The following PCDHA2 variants were observed in gnomAD, a reference collection of about 807,000 sequenced individuals.
PCDHA2 encodes protocadherin alpha 2.
A neutral mutation model predicts 66.0 loss-of-function variants in PCDHA2; 58 were observed. The observed-to-expected ratio is 0.88, with a 90% CI of 0.71 to 1.09. The LOEUF is 1.09. Among genes scored for constraint, PCDHA2 ranks in the 50% least tolerant of loss-of-function variants. The probability of loss-of-function intolerance (pLI) is 0.00; values close to 1 mark genes in which losing one functional copy is unlikely to be tolerated. For missense variants in PCDHA2, 1,267 were observed against 1,242.3 expected, an observed-to-expected ratio of 1.02 and a Z score of -0.30; for synonymous variants, 634 against 554.0, an observed-to-expected ratio of 1.14 and a Z score of -2.03.
At chr5:140,806,720 C>G (rs1554123668) in intron 1 of PCDHA2, among the ~76,000 whole-genome samples, 2 of 152,176 alleles carry the variant, frequency 1.3e-5, no homozygotes, top group Non-Finnish European at 2.9e-5. Flanking sequence ...TTCTAATCAA[C>G]AGTTTACAGT....
intron 1 of PCDHA2, among the ~76,000 whole-genome samples, chr5:140,837,580 TTGTAAATCGCCAA>T (rs1410482182): frequency 1.4e-4 from 22 of 151,942 alleles, no homozygotes; most frequent in Admixed American, 1.1e-3. Context: ...AATCACCAAA[TTGTAAATCGCCAA>T]TATATATATT....
chr5:140,928,251 C>T (rs267600404), intron 1 of PCDHA2: 5 of 1,614,204 alleles, frequency 3.1e-6, no homozygotes, highest in Non-Finnish European at 3.4e-6. Flanking sequence ...AGGAACTTTT[C>T]GTTGCTGAAA....
intron 1 of PCDHA2, chr5:140,830,035 G>T (rs2150180061): frequency 1.2e-6 from 2 of 1,613,880 alleles, no homozygotes; most frequent in South Asian, 2.2e-5. Flanking sequence ...ACCGGCTGCT[G>T]GTGCTGGTGA....
intron 1 of PCDHA2, chr5:140,813,216 AT>A (rs1181674747): frequency 1.3e-5 from 2 of 152,104 alleles, no homozygotes; most frequent in Non-Finnish European, 2.9e-5. Context: ...TGAATGTTCT[AT>A]TCCTTATTGA....
At chr5:140,854,950 C>A (rs1427267019) in intron 1 of PCDHA2, among the ~76,000 whole-genome samples, 1 of 149,714 alleles carries the variant, frequency 6.7e-6, no homozygotes, top group African/African-American at 2.4e-5. Context: ...TAATAAATTT[C>A]TTAATTACTT....
intron 1 of PCDHA2, chr5:140,827,874 A>C: frequency 1.6e-6 from 1 of 638,432 alleles, no homozygotes; most frequent in South Asian, 2.0e-5. Flanking sequence ...TAGCACTGTT[A>C]CGTGAATTGA....
At chr5:140,805,437 T>TTG (rs781705195) in intron 1 of PCDHA2, 10 of 1,050,880 alleles carry the variant, frequency 9.5e-6, no homozygotes, top group African/African-American at 1.7e-5. Context: ...GTTTTGGTTT[T>TTG]TGTGTGTGTG....
chr5:140,925,282 T>C (rs1371569064), intron 1 of PCDHA2, among the ~76,000 whole-genome samples: 1 of 152,184 alleles, frequency 6.6e-6, no homozygotes, highest in Admixed American at 6.5e-5. Context: ...GATTTTGCCT[T>C]TCAAATGTTT....
chr5:140,857,554 G>T lies in PCDHA2; in HGVS notation c.2388+60202G>T, dbSNP rs782355772. On this transcript the variant is annotated intron_variant, in intron 1 of 3. Coordinates refer to ENST00000526136, the MANE Select transcript of PCDHA2 (RefSeq NM_018905.3). ...TGGAGCGGCGGTTGGGCGAGCGCTC[G>T]CTGTCGAGCTACGTGTCGGTGCACG... 1.1e-5 allele frequency: 18 copies of T among 1,596,768 alleles called. 1 individual carries two copies. Among genetic ancestry groups the T allele is most frequent in the East Asian group, 6.7e-5 (3 of 44,826 alleles).
At chr5:140,843,783 T>C in intron 1 of PCDHA2, 1 of 1,421,268 alleles carries the variant, frequency 7.0e-7, no homozygotes, top group Admixed American at 2.1e-5. Context: ...TAAAAGTGTT[T>C]CAGATTTAGT....
chr5:140,988,862 T>G (rs1554250483), intron 3 of PCDHA2: 2 of 152,218 alleles, frequency 1.3e-5, no homozygotes, highest in Non-Finnish European at 1.5e-5. Flanking sequence ...CAGTCTCATG[T>G]GCACTCAGAT....
At chr5:140,876,861 C>T (rs2056651575) in intron 1 of PCDHA2, 6 of 1,613,970 alleles carry the variant, frequency 3.7e-6, no homozygotes, top group African/African-American at 1.3e-5. Context: ...ACACAGTGTT[C>T]GTGAAGGAGA....
intron 3 of PCDHA2, among the ~76,000 whole-genome samples, chr5:140,999,859 C>T (rs2153959609): frequency 6.6e-6 from 1 of 152,256 alleles, no homozygotes; most frequent in South Asian, 2.1e-4. Context: ...TCTTCCGCTC[C>T]AAGATTACTG....
intron 1 of PCDHA2, chr5:140,881,486 T>G: frequency 2.8e-6 from 1 of 355,652 alleles, no homozygotes; most frequent in African/African-American, 2.2e-5. Flanking sequence ...ATTATTGTGT[T>G]TATGCACATA....
In PCDHA2 at chr5:140,797,511, C is replaced by G; in HGVS notation, c.2388+159C>G. 3 of 868,612 alleles carry G rather than the reference C, an allele frequency of 3.5e-6. No homozygotes were observed. The South Asian group carries it at 5.3e-5, about 15-fold the overall frequency. The allele number at this position is 868,612 out of a possible 1,614,324, so 53.8% of individuals were successfully genotyped here. A position where few individuals can be genotyped will look rare whatever the true frequency, so the allele number is the denominator to read the frequency against. On this transcript the variant is annotated intron_variant, in intron 1 of 3. Coordinates refer to ENST00000526136, the MANE Select transcript of PCDHA2 (RefSeq NM_018905.3). ...ATTAGAGATCAATTTATTGCATTTA[C>G]TGAACAATTTATTTAAACAATCTAC...
At chr5:140,929,821 C>G (rs2086398950) in intron 1 of PCDHA2, 1 of 157,208 alleles carries the variant, frequency 6.4e-6, no homozygotes, top group Non-Finnish European at 1.4e-5. Context: ...AGAAAGGGAA[C>G]ATAAGAGAAC....
At chr5:140,995,155 A>T (rs2097666869) in intron 3 of PCDHA2, among the ~76,000 whole-genome samples, 2 of 152,194 alleles carry the variant, frequency 1.3e-5, no homozygotes, top group Non-Finnish European at 2.9e-5. Flanking sequence ...CTTTATATAC[A>T]TTATGTTCTT....
At position 140,838,075 on chromosome 5, in the gene PCDHA2, A is replaced by AGTG. The variant is rs781914509; in HGVS notation, c.2388+40723_2388+40724insGTG. Among the ~76,000 whole-genome samples the AGTG allele has an allele frequency of 1.4e-3, 174 of 128,230 alleles. 2 individuals carry two copies. Among genetic ancestry groups the AGTG allele is most frequent in the Admixed American group, 2.8e-3 (34 of 12,302 alleles). 84.1% of individuals were successfully genotyped at this position (128,230 alleles called of 152,430 possible). ...GTTTTCCACTTTAAGTTATATATAT[A>AGTG]TAGTGTGTGTGTGTGTGTGTGTGTG... is the stretch of plus-strand genomic sequence containing the variant. On this transcript the variant is annotated intron_variant, in intron 1 of 3. Coordinates refer to ENST00000526136, the MANE Select transcript of PCDHA2 (RefSeq NM_018905.3).
intron 3 of PCDHA2, among the ~76,000 whole-genome samples, chr5:141,006,194 A>G (rs1455369245): frequency 1.3e-5 from 2 of 149,246 alleles, no homozygotes; most frequent in African/African-American, 2.5e-5. Context: ...TGCTATATGT[A>G]TGTTATGCCT....
Sources: allele counts gnomAD v4.1 joint callset (sites outside exome capture counted in the v4.1 genomes callset), GRCh38; gene constraint gnomAD v4.1.1; transcripts MANE v1.5; gene names NCBI Gene and HGNC (gene_info 2026-07-23, HGNC 2026-07-21).